PARP8: variants seen among roughly 807,000 people sequenced by gnomAD.
The protein encoded by PARP8 is protein mono-ADP-ribosyltransferase PARP8.
In PARP8, 51 loss-of-function variants were observed where a neutral mutation model predicts 124.1. That is an observed-to-expected ratio of 0.41 (90% CI 0.33 to 0.52). PARP8 has a LOEUF of 0.52. Among genes scored for constraint, PARP8 ranks in the 20% least tolerant of loss-of-function variants. PARP8 has a pLI of 0.21. For missense variants in PARP8, 860 were observed against 1,018.9 expected (o/e 0.84, Z 2.12); for synonymous variants, 391 against 361.5 (o/e 1.08, Z -0.93).
intron 2 of PARP8, among the ~76,000 whole-genome samples, chr5:50,739,709 CATATATAT>C (rs372997958): frequency 1.9e-4 from 19 of 101,020 alleles, no homozygotes; most frequent in South Asian, 3.6e-4. Flanking sequence ...TGGGTATATA[CATATATAT>C]ATATATATAT....
intron 23 of PARP8, among the ~76,000 whole-genome samples, chr5:50,833,185 G>C (rs889928315): frequency 5.5e-4 from 84 of 152,116 alleles, no homozygotes; most frequent in South Asian, 4.1e-4. Flanking sequence ...TAGATAGATA[G>C]AATGCTAGAT....
chr5:50,791,326 C>G (rs747181279), intron 10 of PARP8, among the ~76,000 whole-genome samples: 3 of 152,150 alleles, frequency 2.0e-5, no homozygotes, highest in Non-Finnish European at 2.9e-5. Flanking sequence ...CCTTGTTACT[C>G]TCATATTTCC....
chr5:50,717,110 A>G (rs1205715440), intron 2 of PARP8, among the ~76,000 whole-genome samples: 2 of 152,108 alleles, frequency 1.3e-5, no homozygotes, highest in East Asian at 1.9e-4. Flanking sequence ...GGAAAGTTAC[A>G]TAATTTGTAA....
At chr5:50,691,376 G>A (rs893453022) in intron 2 of PARP8, among the ~76,000 whole-genome samples, 6 of 152,246 alleles carry the variant, frequency 3.9e-5, no homozygotes, top group East Asian at 1.9e-4. Context: ...TTCACTGGTG[G>A]AATGTCTCCT....
chr5:50,735,834 A>AT (rs1323969526), intron 2 of PARP8, among the ~76,000 whole-genome samples: 5 of 151,594 alleles, frequency 3.3e-5, no homozygotes, highest in African/African-American at 1.2e-4. Context: ...TATAAAGGGG[A>AT]TTTAACCTTA....
At chr5:50,705,134 T>C (rs1202530348) in intron 2 of PARP8, among the ~76,000 whole-genome samples, 1 of 152,234 alleles carries the variant, frequency 6.6e-6, no homozygotes, top group Non-Finnish European at 1.5e-5. Flanking sequence ...CTTTCAAAAA[T>C]AGTTTACTGT....
chr5:50,813,703 C>G (rs1309449520), intron 14 of PARP8, among the ~76,000 whole-genome samples: 1 of 152,052 alleles, frequency 6.6e-6, no homozygotes, highest in Admixed American at 6.6e-5. Context: ...AGTTTTTGCC[C>G]TTCAGTATGA....
intron 9 of PARP8, among the ~76,000 whole-genome samples, chr5:50,786,410 G>GCTGTAGTAGAGTGGCATTATCACAGCTCA (rs1741250446): frequency 4.6e-5 from 7 of 150,702 alleles, no homozygotes; most frequent in Admixed American, 4.6e-4. Context: ...TGTTTCCCAG[G>GCTGTAGTAGAGTGGCATTATCACAGCTCA]CTGTAGTAGA....
At chr5:50,692,696 A>G (rs926427392) in intron 2 of PARP8, among the ~76,000 whole-genome samples, 6 of 152,090 alleles carry the variant, frequency 3.9e-5, no homozygotes, top group African/African-American at 7.2e-5. Flanking sequence ...TAAAAAAATA[A>G]TACTTTTTTT....
chr5:50,686,884 C>G (rs1452642413), intron 2 of PARP8, among the ~76,000 whole-genome samples: 2 of 152,280 alleles, frequency 1.3e-5, no homozygotes, highest in African/African-American at 4.8e-5. Context: ...GACCCTGGGC[C>G]TAGACCATGA....
intron 9 of PARP8, among the ~76,000 whole-genome samples, chr5:50,788,112 T>A (rs992377565): frequency 3.4e-5 from 5 of 147,738 alleles, no homozygotes; most frequent in African/African-American, 7.5e-5. Context: ...CTGTCCTACA[T>A]GTGGCCAGTT....
intron 14 of PARP8, among the ~76,000 whole-genome samples, chr5:50,810,971 C>G (rs1339859519): frequency 6.6e-6 from 1 of 151,944 alleles, no homozygotes; most frequent in Non-Finnish European, 1.5e-5. Context: ...ACTTTTACTT[C>G]TCGTTTTTTA....
intron 2 of PARP8, among the ~76,000 whole-genome samples, chr5:50,721,969 G>A (rs1480238575): frequency 2.0e-5 from 3 of 151,888 alleles, no homozygotes; most frequent in East Asian, 1.9e-4. Context: ...TAAAAATGTC[G>A]TAGCTTTGTA....
At chr5:50,705,141 C>A (rs527816632) in intron 2 of PARP8, among the ~76,000 whole-genome samples, 1 of 152,238 alleles carries the variant, frequency 6.6e-6, no homozygotes, top group East Asian at 1.9e-4. Context: ...AAATAGTTTA[C>A]TGTTTAAAAC....
chr5:50,709,964 A>C (rs1754594903), intron 2 of PARP8, among the ~76,000 whole-genome samples: 1 of 123,380 alleles, frequency 8.1e-6, no homozygotes, highest in African/African-American at 2.9e-5. Context: ...ATACACATAC[A>C]TATATACACA....
At chr5:50,710,607 G>C (rs1676343881) in intron 2 of PARP8, among the ~76,000 whole-genome samples, 1 of 152,056 alleles carries the variant, frequency 6.6e-6, no homozygotes. Context: ...ACTGGGTCCT[G>C]CTAATTCTCA....
At chr5:50,833,039 ATATT>A (rs746833677) in intron 23 of PARP8, among the ~76,000 whole-genome samples, 185 bp downstream of exon 23, 3 of 152,190 alleles carry the variant, frequency 2.0e-5, no homozygotes, top group East Asian at 3.8e-4. Context: ...TAATCAACAG[ATATT>A]TATTTATCTC....
At chr5:50,703,778 T>G (rs548719131) in intron 2 of PARP8, among the ~76,000 whole-genome samples, 23 of 152,126 alleles carry the variant, frequency 1.5e-4, no homozygotes, top group African/African-American at 5.1e-4. Context: ...AGGTGTGGTG[T>G]TGTGCACCTG....
chr5:50,756,242 G>A (rs1460419443), intron 3 of PARP8, among the ~76,000 whole-genome samples: 3 of 152,062 alleles, frequency 2.0e-5, no homozygotes, highest in Non-Finnish European at 4.4e-5. Flanking sequence ...GTGAGAGAGG[G>A]CATCCCTGTC....
Sources: allele counts gnomAD v4.1 joint callset (sites outside exome capture counted in the v4.1 genomes callset), GRCh38; gene constraint gnomAD v4.1.1; transcripts MANE v1.5; gene names NCBI Gene and HGNC (gene_info 2026-07-23, HGNC 2026-07-21).